AATK: variants seen among roughly 807,000 people sequenced by gnomAD.
The protein encoded by AATK is lemur tail kinase 1.
In AATK, 91 loss-of-function variants were observed where a neutral mutation model predicts 114.3. The observed-to-expected ratio is 0.80, with a 90% confidence interval of 0.67 to 0.95. The LOEUF is 0.95. Among genes scored for constraint, AATK ranks in the 40% least tolerant of loss-of-function variants. AATK has a pLI of 0.00. For synonymous variants in AATK, 1,075 were observed against 916.5 expected (o/e 1.17, Z -3.12); for missense variants, 2,176 against 1,965.2 (o/e 1.11, Z -2.03).
At position 81,121,002 on chromosome 17, in the gene AATK, C is replaced by T. The variant is rs374776840; in HGVS notation, c.2934G>A (p.Arg978=). 9.9e-6 allele frequency: 16 copies of T among 1,610,396 alleles called. No individual in the cohort carries two copies. The highest frequency in any genetic ancestry group is 1.4e-5 in the Non-Finnish European group (16 of 1,179,072). ...SEGEGPGPET[R]LSTSLSGLNE... ...TGAGGCCACTGAGGGAGGTGGAGAG[C>T]CGTGTCTCGGGCCCGGGGCCCTCAC... Residue 978 remains arginine (R), a synonymous_variant, in exon 11 of 14, where the codon CGG becomes CGA. Transcript: ENST00000326724.
chr17:81,158,025 G>C (rs938957339), intron 1 of AATK, among the ~76,000 whole-genome samples: 1 of 152,238 alleles, frequency 6.6e-6, no homozygotes, highest in Non-Finnish European at 1.5e-5. Flanking sequence ...GCAGCAGCAG[G>C]GGGCTGCTGG....
chr17:81,125,614 A>T (rs4969395), intron 7 of AATK, among the ~76,000 whole-genome samples: 1 of 152,052 alleles, frequency 6.6e-6, no homozygotes, highest in Non-Finnish European at 1.5e-5. Context: ...CTGGCTTTGA[A>T]CCCTGCCTGG....
intron 1 of AATK, among the ~76,000 whole-genome samples, chr17:81,149,294 C>T (rs1350824212): frequency 1.3e-5 from 2 of 152,164 alleles, no homozygotes; most frequent in African/African-American, 2.4e-5. Flanking sequence ...CAGTGGCCAC[C>T]GCCCACACCC....
chr17:81,165,159 G>C (rs2061471097), intron 1 of AATK, among the ~76,000 whole-genome samples: 1 of 152,238 alleles, frequency 6.6e-6, no homozygotes, highest in Non-Finnish European at 1.5e-5. Flanking sequence ...GGCCGGATCT[G>C]GAGAAGCAGA....
Position 81,120,090 on chromosome 17 carries a change from G to A in AATK, c.3736-7C>T, listed in dbSNP as rs772558913. ...GCTCCCGGGTGGGGCTTTCCTGGAG[G>A]AATCAGAGAGCACCAGGTAGCTCGG... is the stretch of plus-strand genomic sequence containing the variant. On this transcript the variant is annotated splice_polypyrimidine_tract_variant and splice_region_variant and intron_variant, in intron 11 of 13. Transcript: ENST00000326724. 1 of 1,463,306 alleles carries A rather than the reference G, an allele frequency of 6.8e-7. No homozygotes were observed. The allele number at this position is 1,463,306 out of a possible 1,614,324, so 90.6% of individuals were successfully genotyped here.
At chr17:81,133,130 G>T in intron 2 of AATK, 1 of 440,712 alleles carries the variant, frequency 2.3e-6, no homozygotes, top group Non-Finnish European at 4.6e-6. Context: ...GGGCAGGAGT[G>T]CAGACCCCAC....
chr17:81,156,217 C>T lies in AATK; in HGVS notation c.55+9721G>A, dbSNP rs138198097. ...GTTATCATGTTACAATGTATGTTAC[C>T]ATGTTACAATGTATGTTACTATGTT... On this transcript the variant is annotated intron_variant, in intron 1 of 13. Transcript: ENST00000326724. Among the ~76,000 whole-genome samples the T allele has an allele frequency of 2.4e-4, 34 of 139,668 alleles. No homozygotes were observed. In the East Asian group the frequency reaches 6.8e-3, roughly 28 times the overall value. 91.6% of individuals were successfully genotyped at this position (139,668 alleles called of 152,430 possible). A position where few individuals can be genotyped will look rare whatever the true frequency, so the allele number is the denominator to read the frequency against.
At chr17:81,131,374 C>T (rs2060928785) in intron 2 of AATK, among the ~76,000 whole-genome samples, 169 bp from the exon 3 acceptor site, 1 of 152,230 alleles carries the variant, frequency 6.6e-6, no homozygotes, top group Non-Finnish European at 1.5e-5. Context: ...CCCAGCACCC[C>T]TGCTAACTGC....
Position 81,156,247 on chromosome 17 carries a change from TGTATGTTA to T in AATK, c.55+9683_55+9690del, listed in dbSNP as rs2061364961. Among the ~76,000 whole-genome samples, 10 of 152,176 alleles carry T rather than the reference TGTATGTTA, an allele frequency of 6.6e-5. No individual in the cohort carries two copies. The South Asian group carries it at 2.1e-3, about 32-fold the overall frequency. ...TACAATGTATGTTACTATGTTACAA[TGTATGTTA>T]CCATGTTACAATGTATGTTACTATG... is the stretch of plus-strand genomic sequence containing the variant. On this transcript the variant is annotated intron_variant, in intron 1 of 13. Coordinates refer to ENST00000326724, the MANE Select transcript of AATK (RefSeq NM_001080395.3).
intron 1 of AATK, among the ~76,000 whole-genome samples, chr17:81,159,305 C>T (rs1157606553): frequency 6.6e-6 from 1 of 152,190 alleles, no homozygotes; most frequent in Non-Finnish European, 1.5e-5. Context: ...CGAGCGAGAT[C>T]CCCAACATGG....
Position 81,127,962 on chromosome 17 carries a change from CT to C in AATK, c.415-53del, listed in dbSNP as rs1376851706. On this transcript the variant is annotated intron_variant, in intron 4 of 13. Transcript: ENST00000326724. ...GCTGCTCCGCCTCCACCGGCCCCGG[CT>C]TCCAGGCCTTACTCTTCTCCCACCC... 3.2e-5 allele frequency: 50 copies of C among 1,542,438 alleles called. No homozygotes were observed. The Middle Eastern group carries it at 6.9e-4, about 21-fold the overall frequency.
chr17:81,128,908 C>T (rs1009087642), intron 3 of AATK: 29 of 1,139,082 alleles, frequency 2.5e-5, no homozygotes, highest in South Asian at 8.1e-5. Flanking sequence ...GCTGGGGCCA[C>T]GGCACAGAGA....
At chr17:81,143,127 T>C (rs1175745100) in intron 1 of AATK, among the ~76,000 whole-genome samples, 2 of 151,896 alleles carry the variant, frequency 1.3e-5, no homozygotes, top group Non-Finnish European at 2.9e-5. Flanking sequence ...CACGGGAGAG[T>C]TCCGAGAGTG....
At chr17:81,130,932 C>G (rs1259325739) in intron 3 of AATK, 129 bp downstream of exon 3, 8 of 1,205,658 alleles carry the variant, frequency 6.6e-6, no homozygotes, top group Non-Finnish European at 9.1e-6. Flanking sequence ...GCGTCTACCC[C>G]ACAGGCCACT....
intron 7 of AATK, chr17:81,125,884 C>A: frequency 2.1e-6 from 1 of 468,496 alleles, no homozygotes; most frequent in Non-Finnish European, 4.4e-6. Context: ...CAGCTGCCCT[C>A]TTCAACAAAA....
Position 81,117,885 on chromosome 17 carries a change from AG to A in AATK, c.*516del, listed in dbSNP as rs1218521970. ...GGAAACAGGACCGACACGGGCGCCCAGGGCCACTCCTTGCCCTGAGCCACCA... is the reference window on the plus strand; with the variant it reads ...GGAAACAGGACCGACACGGGCGCCCAGGCCACTCCTTGCCCTGAGCCACCA... On this transcript the variant is annotated 3_prime_UTR_variant, in exon 14 of 14. Transcript: ENST00000326724. 1 of 153,242 alleles carries A rather than the reference AG, an allele frequency of 6.5e-6. No homozygotes were observed. The highest frequency in any genetic ancestry group is 1.5e-5 in the Non-Finnish European group (1 of 68,700). 9.5% of individuals were successfully genotyped at this position (153,242 alleles called of 1,614,324 possible). A position where few individuals can be genotyped will look rare whatever the true frequency, so the allele number is the denominator to read the frequency against.
intron 1 of AATK, among the ~76,000 whole-genome samples, chr17:81,163,820 C>A (rs1156311330): frequency 6.6e-6 from 1 of 152,268 alleles, no homozygotes; most frequent in Non-Finnish European, 1.5e-5. Context: ...GGCACCAGTT[C>A]CTGCGATGAA....
chr17:81,123,095 G>C (rs2060722304), intron 10 of AATK, 99 bp downstream of exon 10: 2 of 1,305,616 alleles, frequency 1.5e-6, no homozygotes, highest in Non-Finnish European at 2.0e-6. Flanking sequence ...GACCAGGCAG[G>C]GCTGGAACGC....
At chr17:81,136,533 C>T (rs539980925) in intron 1 of AATK, among the ~76,000 whole-genome samples, 1 of 152,178 alleles carries the variant, frequency 6.6e-6, no homozygotes, top group Non-Finnish European at 1.5e-5. Flanking sequence ...TGGGCTCCCC[C>T]CAGCAGGACG....
Sources: allele counts gnomAD v4.1 joint callset (sites outside exome capture counted in the v4.1 genomes callset), GRCh38; gene constraint gnomAD v4.1.1; transcripts MANE v1.5; gene names NCBI Gene and HGNC (gene_info 2026-07-23, HGNC 2026-07-21).